Variants in FILIP1 observed in about 807,000 individuals in gnomAD.
The protein encoded by FILIP1 is filamin A interacting protein 1.
In FILIP1, 61 loss-of-function variants were observed where a neutral mutation model predicts 102.1. That is an observed-to-expected ratio of 0.60 (90% CI 0.49 to 0.74). FILIP1 has a LOEUF of 0.74. FILIP1 is among the 30% of genes least tolerant of loss of function. FILIP1 has a pLI of 0.00. For synonymous variants in FILIP1, 491 were observed against 526.9 expected, an observed-to-expected ratio of 0.93 and a Z score of 0.93; for missense variants, 1,314 against 1,441.2, an observed-to-expected ratio of 0.91 and a Z score of 1.43.
chr6:75,483,942 T>C (rs189497896), intron 1 of FILIP1, among the ~76,000 whole-genome samples: 3 of 152,286 alleles, frequency 2.0e-5, no homozygotes, highest in Admixed American at 6.5e-5. Context: ...AGTATATGTG[T>C]ATCTGCCTTA....
intron 2 of FILIP1, among the ~76,000 whole-genome samples, chr6:75,404,223 T>G (rs367672218): frequency 4.2e-4 from 64 of 152,200 alleles, no homozygotes; most frequent in African/African-American, 1.5e-3. Flanking sequence ...CTGAGCAATA[T>G]AGCAAGATTG....
At chr6:75,488,331 G>C (rs146944646) in intron 1 of FILIP1, among the ~76,000 whole-genome samples, 3 of 151,796 alleles carry the variant, frequency 2.0e-5, no homozygotes, top group African/African-American at 7.3e-5. Flanking sequence ...CTTCCACAAC[G>C]GGCTGCCTGG....
intron 2 of FILIP1, among the ~76,000 whole-genome samples, chr6:75,389,170 C>T (rs1024352020): frequency 1.3e-4 from 20 of 152,060 alleles, no homozygotes; most frequent in Non-Finnish European, 2.8e-4. Flanking sequence ...TGATGGATTA[C>T]GTTTATTGAT....
chr6:75,492,968 A>G (rs1376052066), intron 1 of FILIP1, among the ~76,000 whole-genome samples: 1 of 152,238 alleles, frequency 6.6e-6, no homozygotes, highest in Non-Finnish European at 1.5e-5. Context: ...AAAGTACAGC[A>G]ATACAAACAC....
intron 4 of FILIP1, among the ~76,000 whole-genome samples, chr6:75,321,622 G>A (rs1427798746): frequency 6.6e-5 from 10 of 151,682 alleles, no homozygotes; most frequent in East Asian, 3.9e-4. Flanking sequence ...GTGAAACCCC[G>A]TCTCTACTAA....
chr6:75,301,329 A>G (rs913292901), intron 6 of FILIP1, among the ~76,000 whole-genome samples: 5 of 152,208 alleles, frequency 3.3e-5, no homozygotes, highest in Admixed American at 1.3e-4. Flanking sequence ...CATTTTACTC[A>G]CTTGTAGTAG....
intron 2 of FILIP1, among the ~76,000 whole-genome samples, chr6:75,396,578 A>G (rs913352932): frequency 6.6e-6 from 1 of 152,156 alleles, no homozygotes. Context: ...ATAAATAAGA[A>G]TGGCGAGCCT....
At chr6:75,454,005 A>G (rs1190657625) in intron 1 of FILIP1, 1 of 456,700 alleles carries the variant, frequency 2.2e-6, no homozygotes, top group Non-Finnish European at 4.4e-6. Context: ...GCTTAAAACA[A>G]CATCCATTTA....
Position 75,374,699 on chromosome 6 carries a change from T to C in FILIP1, c.277-11782A>G, listed in dbSNP as rs76826526. On this transcript the variant is annotated intron_variant, in intron 2 of 5. Transcript: ENST00000237172. Reference sequence around the variant, plus strand: ...CGGGCCAGTGAGAAGCTGAATTTTTTAGAACATGGGAGAAGTCATTGCTAA... The same window carrying C: ...CGGGCCAGTGAGAAGCTGAATTTTTCAGAACATGGGAGAAGTCATTGCTAA... Among the ~76,000 whole-genome samples the C allele has an allele frequency of 2.8e-3, 421 of 152,236 alleles. 7 individuals are homozygous for C. In the East Asian group the frequency reaches 0.049, roughly 18 times the overall value.
At chr6:75,441,554 C>T (rs1267133095) in intron 1 of FILIP1, among the ~76,000 whole-genome samples, 24 of 151,944 alleles carry the variant, frequency 1.6e-4, no homozygotes, top group African/African-American at 3.4e-4. Context: ...CCAGTAGGGG[C>T]GGCCGGGCAG....
intron 4 of FILIP1, among the ~76,000 whole-genome samples, chr6:75,353,013 A>T (rs1168780680): frequency 1.3e-5 from 2 of 150,114 alleles, no homozygotes; most frequent in East Asian, 4.0e-4. Flanking sequence ...GCAAATTATT[A>T]AACTTACACG....
At chr6:75,366,875 T>C (rs1186155591) in intron 2 of FILIP1, among the ~76,000 whole-genome samples, 2 of 152,160 alleles carry the variant, frequency 1.3e-5, no homozygotes, top group East Asian at 1.9e-4. Flanking sequence ...TCTCCAAAAG[T>C]TATTTAATCT....
At position 75,421,985 on chromosome 6, in the gene FILIP1, C is replaced by T. The variant is rs148114819; in HGVS notation, c.-6-7007G>A. ...ATTACACTTCACTTATTTATACTCA[C>T]TTCCAGTATCTATAACAGGGTTTTT... On this transcript the variant is annotated intron_variant, in intron 1 of 5. Coordinates refer to ENST00000237172, the MANE Select transcript of FILIP1 (RefSeq NM_015687.5). Among the ~76,000 whole-genome samples the T allele has an allele frequency of 1.6e-4, 24 of 152,210 alleles. No individual in the cohort carries two copies. The East Asian group carries it at 4.6e-3, about 29-fold the overall frequency.
intron 2 of FILIP1, among the ~76,000 whole-genome samples, chr6:75,383,769 AT>A (rs1281452461): frequency 6.6e-6 from 1 of 152,188 alleles, no homozygotes; most frequent in African/African-American, 2.4e-5. Context: ...AGACACTATT[AT>A]TATCACCATT....
At chr6:75,332,651 G>C (rs1218008862) in intron 4 of FILIP1, among the ~76,000 whole-genome samples, 1 of 152,190 alleles carries the variant, frequency 6.6e-6, no homozygotes, top group Non-Finnish European at 1.5e-5. Context: ...AGGATTCCCT[G>C]GGGGAAGCAG....
At chr6:75,399,940 G>A (rs1174693015) in intron 2 of FILIP1, among the ~76,000 whole-genome samples, 3 of 152,108 alleles carry the variant, frequency 2.0e-5, no homozygotes, top group Non-Finnish European at 4.4e-5. Flanking sequence ...AGGGGTTGGA[G>A]ACTTTTAAAG....
intron 1 of FILIP1, among the ~76,000 whole-genome samples, chr6:75,459,978 A>G (rs1248125610): frequency 6.6e-6 from 1 of 152,194 alleles, no homozygotes; most frequent in East Asian, 1.9e-4. Flanking sequence ...CTCCTGCTCT[A>G]ATTTTCATTT....
In FILIP1 at chr6:75,364,958, C is replaced by T. The variant is rs559814317; in HGVS notation, c.277-2041G>A. Among the ~76,000 whole-genome samples the T allele has an allele frequency of 2.6e-5, 4 of 152,120 alleles. No individual in the cohort carries two copies. The East Asian group carries it at 7.7e-4, about 29-fold the overall frequency. On this transcript the variant is annotated intron_variant, in intron 2 of 5. Transcript: ENST00000237172. ...CAAACTCGTCTTTAAAGAAGAAACA[C>T]CATACTGTGAATTTAGTGACTTATG... is the stretch of plus-strand genomic sequence containing the variant.
intron 1 of FILIP1, among the ~76,000 whole-genome samples, chr6:75,485,727 G>C (rs1176793035): frequency 6.6e-6 from 1 of 152,094 alleles, no homozygotes; most frequent in African/African-American, 2.4e-5. Context: ...GGCAAATAAA[G>C]ATAAAAGAAT....
Sources: allele counts gnomAD v4.1 joint callset (sites outside exome capture counted in the v4.1 genomes callset), GRCh38; gene constraint gnomAD v4.1.1; transcripts MANE v1.5; gene names NCBI Gene and HGNC (gene_info 2026-07-23, HGNC 2026-07-21).